Variants in CCNJL observed in about 807,000 individuals in gnomAD.
The protein encoded by CCNJL is cyclin J like, also known as cyclin-J-like protein.
A neutral mutation model predicts 33.4 loss-of-function variants in CCNJL; 33 were observed. The observed-to-expected ratio is 0.99, with a 90% CI of 0.75 to 1.32. The LOEUF (loss-of-function observed/expected upper bound fraction) is 1.32. Ranked by LOEUF, CCNJL falls within the 40% of genes most tolerant of loss-of-function variation. The pLI, the probability that CCNJL is intolerant of heterozygous loss-of-function variation, is 0.00. For synonymous variants in CCNJL, 227 were observed against 220.9 expected, an observed-to-expected ratio of 1.03 and a Z score of -0.24; for missense variants, 512 against 499.7, an observed-to-expected ratio of 1.02 and a Z score of -0.23.
chr5:160,294,951 G>A (rs961783169), intron 2 of CCNJL: 3 of 152,284 alleles, frequency 2.0e-5, no homozygotes, highest in African/African-American at 7.2e-5. Flanking sequence ...GGATTCTCCT[G>A]GGAGCTTCGA....
At chr5:160,325,903 A>AGG (rs1462438848) in intron 1 of CCNJL, among the ~76,000 whole-genome samples, 4,279 of 152,288 alleles carry the variant, frequency 0.028, 188 homozygotes, top group African/African-American at 0.096. Flanking sequence ...ATATATTCAC[A>AGG]GTGGATGCTT....
chr5:160,278,846 T>C (rs902035636), intron 3 of CCNJL, among the ~76,000 whole-genome samples: 18 of 152,322 alleles, frequency 1.2e-4, no homozygotes, highest in African/African-American at 4.1e-4. Context: ...CGATGCCCAG[T>C]GTGCCCTCCA....
At chr5:160,294,313 C>G (rs924333428) in intron 2 of CCNJL, among the ~76,000 whole-genome samples, 1 of 152,198 alleles carries the variant, frequency 6.6e-6, no homozygotes, top group East Asian at 1.9e-4. Context: ...GAGAGGGTGG[C>G]CCGTGTCACA....
At chr5:160,260,905 T>A (rs1761300626) in intron 3 of CCNJL, among the ~76,000 whole-genome samples, 1 of 152,000 alleles carries the variant, frequency 6.6e-6, no homozygotes, top group Admixed American at 6.6e-5. Flanking sequence ...CCACATCAGG[T>A]GGTGAGGCCT....
At chr5:160,255,032 C>T (rs150714453) in intron 5 of CCNJL, 2,732 of 152,324 alleles carry the variant, frequency 0.018, 47 homozygotes, top group Non-Finnish European at 0.028. Context: ...GATGTAAACC[C>T]GGTCGGGCGC....
Position 160,255,552 on chromosome 5 carries a change from A to G in CCNJL, c.740T>C (p.Leu247Pro). 6.2e-7 allele frequency: 1 copy of G among 1,614,076 alleles called. No individual in the cohort carries two copies. The highest frequency in any genetic ancestry group is 8.5e-7 in the Non-Finnish European group (1 of 1,179,942). Residue 247 changes from leucine (L) to proline (P), a missense_variant, in exon 5 of 6, where the codon CTG becomes CCG. By Grantham distance (98) the Leu-to-Pro change is moderately conservative. Coordinates refer to ENST00000257536, the MANE Select transcript of CCNJL (RefSeq NM_001308173.3). ...AGGATTCAGGGGAGAAACTTACACC[A>G]GCAGGATTTCAATACACGTGCTGAG... is the stretch of plus-strand genomic sequence containing the variant. ...EHLSTCIEILLVVYDNVLKDA... is the reference protein window; with the variant it reads ...EHLSTCIEILPVVYDNVLKDA...
chr5:160,309,438 C>T (rs2421781), intron 2 of CCNJL, among the ~76,000 whole-genome samples: 73,495 of 152,126 alleles, frequency 0.48, 19,043 homozygotes, highest in African/African-American at 0.67. Flanking sequence ...TTACACAGCA[C>T]ATATGTAAAC....
intron 1 of CCNJL, chr5:160,339,402 T>C (rs1763723078): frequency 2.6e-6 from 1 of 390,454 alleles, no homozygotes; most frequent in African/African-American, 2.1e-5. Context: ...CCAAAACACA[T>C]CCAAACACGT....
chr5:160,315,715 A>G (rs1763373539), upstream of CCNJL, among the ~76,000 whole-genome samples: 1 of 152,224 alleles, frequency 6.6e-6, no homozygotes, highest in South Asian at 2.1e-4. Context: ...TAAATTTTCA[A>G]CAAGAAATAT....
Position 160,328,067 on chromosome 5 carries a change from T to A in CCNJL, n.206+11378A>T, listed in dbSNP as rs549094949. Among the ~76,000 whole-genome samples, 6 of 152,110 alleles carry A rather than the reference T, an allele frequency of 3.9e-5. No homozygotes were observed. In the South Asian group the frequency reaches 1.2e-3, roughly 32 times the overall value. On this transcript the variant is annotated intron_variant and non_coding_transcript_variant, in intron 1 of 7. Transcript: ENST00000377503. ...AATACTCTGCAGAGGGAACAGCTGG[T>A]ACAGAGGCTCACGCAGGAGTGCGCG...
At chr5:160,266,683 T>C (rs1323358729) in intron 3 of CCNJL, among the ~76,000 whole-genome samples, 1 of 152,212 alleles carries the variant, frequency 6.6e-6, no homozygotes, top group Non-Finnish European at 1.5e-5. Flanking sequence ...GCAGCTGCTG[T>C]ATTATTTATT....
At chr5:160,293,124 A>C (rs1259618063) in intron 2 of CCNJL, among the ~76,000 whole-genome samples, 1 of 152,188 alleles carries the variant, frequency 6.6e-6, no homozygotes, top group East Asian at 1.9e-4. Flanking sequence ...TTTCCTTTCA[A>C]AATAATGTTT....
chr5:160,270,605 T>C (rs1010166343), intron 3 of CCNJL, among the ~76,000 whole-genome samples: 1 of 151,896 alleles, frequency 6.6e-6, no homozygotes, highest in Non-Finnish European at 1.5e-5. Flanking sequence ...AAACAAACAC[T>C]CAATAAACAT....
At chr5:160,272,012 C>A (rs78840632) in intron 3 of CCNJL, among the ~76,000 whole-genome samples, 412 of 152,294 alleles carry the variant, frequency 2.7e-3, no homozygotes, top group African/African-American at 9.2e-3. Context: ...CTGAAAAAGA[C>A]CACCTGGAAA....
intron 3 of CCNJL, among the ~76,000 whole-genome samples, chr5:160,268,561 G>A (rs990251420): frequency 6.6e-6 from 1 of 152,226 alleles, no homozygotes; most frequent in African/African-American, 2.4e-5. Flanking sequence ...ATTTGGTGTA[G>A]GGGAGAGAGA....
At chr5:160,285,297 T>C (rs112805550) in intron 2 of CCNJL, among the ~76,000 whole-genome samples, 5 of 152,224 alleles carry the variant, frequency 3.3e-5, no homozygotes, top group African/African-American at 1.2e-4. Flanking sequence ...GTTTGATGAA[T>C]TTATGCAGCC....
chr5:160,264,691 T>C (rs959910564), intron 3 of CCNJL, among the ~76,000 whole-genome samples: 3 of 152,208 alleles, frequency 2.0e-5, no homozygotes, highest in African/African-American at 4.8e-5. Flanking sequence ...TTCATCCTGC[T>C]GAAACTCTGT....
intron 3 of CCNJL, among the ~76,000 whole-genome samples, chr5:160,262,755 C>A (rs1182428558): frequency 6.6e-6 from 1 of 152,194 alleles, no homozygotes; most frequent in Non-Finnish European, 1.5e-5. Flanking sequence ...GCCTGGCCAG[C>A]AGTTAAAAAG....
chr5:160,333,162 G>A (rs758483633), intron 1 of CCNJL, among the ~76,000 whole-genome samples: 10 of 149,646 alleles, frequency 6.7e-5, no homozygotes, highest in Admixed American at 2.7e-4. Flanking sequence ...TCGCTCTGTC[G>A]CCCAGGCTGG....
Sources: gnomAD v4.1 joint callset for allele counts (sites outside exome capture counted in the v4.1 genomes callset) on GRCh38, gnomAD v4.1.1 for gene constraint, MANE v1.5 for transcripts, NCBI Gene and HGNC (gene_info 2026-07-23, HGNC 2026-07-21) for gene names.